The following PTPRT variants were observed in gnomAD, a reference collection of about 807,000 sequenced individuals.
The protein encoded by PTPRT is receptor-type tyrosine-protein phosphatase T.
Under a neutral mutation model 176.8 loss-of-function variants are expected in PTPRT, and 56 were observed. That is an observed-to-expected ratio of 0.32 (90% CI 0.26 to 0.40). The LOEUF (loss-of-function observed/expected upper bound fraction) is 0.40, where lower values mean the gene tolerates loss of function less well. Among genes scored for constraint, PTPRT ranks in the 10% least tolerant of loss-of-function variants. The probability of loss-of-function intolerance (pLI) is 1.00; values close to 1 mark genes in which losing one functional copy is unlikely to be tolerated. For synonymous variants in PTPRT, 783 were observed against 739.0 expected (o/e 1.06, Z -0.96); for missense variants, 1,540 against 1,908.2 (o/e 0.81, Z 3.60).
chr20:43,151,419 C>T (rs994383408), intron 1 of PTPRT, among the ~76,000 whole-genome samples: 2 of 151,792 alleles, frequency 1.3e-5, no homozygotes, highest in African/African-American at 4.8e-5. Context: ...TACCAACTTT[C>T]CTGGCAAGAA....
chr20:42,067,921 G>A (rs190961312), downstream of PTPRT, among the ~76,000 whole-genome samples: 3 of 152,144 alleles, frequency 2.0e-5, no homozygotes, highest in African/African-American at 7.2e-5. Context: ...ATTCCAGGAA[G>A]CAATGAGAAT....
chr20:42,084,228 A>T (rs1983644134), intron 29 of PTPRT, among the ~76,000 whole-genome samples: 1 of 152,236 alleles, frequency 6.6e-6, no homozygotes, highest in African/African-American at 2.4e-5. Flanking sequence ...GTCCATTCGA[A>T]GACAGGAGGT....
At chr20:42,282,911 G>A (rs1015049739) in intron 12 of PTPRT, among the ~76,000 whole-genome samples, 1 of 152,168 alleles carries the variant, frequency 6.6e-6, no homozygotes, top group Non-Finnish European at 1.5e-5. Flanking sequence ...TGGAAGGAGG[G>A]CATCCTTGGG....
At chr20:42,860,022 T>G (rs1240160312) in intron 2 of PTPRT, among the ~76,000 whole-genome samples, 2 of 152,212 alleles carry the variant, frequency 1.3e-5, no homozygotes, top group African/African-American at 4.8e-5. Context: ...ATTTATTTAT[T>G]CTTTAAATGT....
chr20:42,254,082 A>G (rs1007218156), intron 13 of PTPRT, among the ~76,000 whole-genome samples: 1 of 152,064 alleles, frequency 6.6e-6, no homozygotes, highest in African/African-American at 2.4e-5. Flanking sequence ...TCTAGTTGCC[A>G]TGTTTTCTCT....
At chr20:43,053,234 T>A (rs1987114060) in intron 1 of PTPRT, among the ~76,000 whole-genome samples, 1 of 152,138 alleles carries the variant, frequency 6.6e-6, no homozygotes. Flanking sequence ...CACTCACCCA[T>A]CCTCTGTGAT....
At chr20:42,312,445 T>C (rs1300800979) in intron 12 of PTPRT, among the ~76,000 whole-genome samples, 1 of 152,212 alleles carries the variant, frequency 6.6e-6, no homozygotes, top group Non-Finnish European at 1.5e-5. Flanking sequence ...AGAATGGCTG[T>C]TCTGCTTCAA....
intron 1 of PTPRT, among the ~76,000 whole-genome samples, chr20:42,942,588 T>A (rs1423163812): frequency 6.6e-6 from 1 of 152,226 alleles, no homozygotes; most frequent in Non-Finnish European, 1.5e-5. Flanking sequence ...TCTCGTTCTC[T>A]CTCGTATCTC....
chr20:42,590,540 T>A (rs1256108325), intron 7 of PTPRT, among the ~76,000 whole-genome samples: 2 of 152,006 alleles, frequency 1.3e-5, no homozygotes, highest in African/African-American at 4.8e-5. Flanking sequence ...ATCACAAGCC[T>A]GCACTGTATG....
intron 1 of PTPRT, among the ~76,000 whole-genome samples, chr20:42,907,474 T>A (rs1305606016): frequency 1.3e-5 from 2 of 152,190 alleles, no homozygotes; most frequent in Admixed American, 1.3e-4. Context: ...AGTTTTTTTT[T>A]AATGTTTTTC....
intron 12 of PTPRT, among the ~76,000 whole-genome samples, chr20:42,304,038 T>G (rs186658217): frequency 6.6e-6 from 1 of 152,202 alleles, no homozygotes; most frequent in Non-Finnish European, 1.5e-5. Context: ...AGGACCATGA[T>G]GTAAAAGATG....
At chr20:42,379,256 T>G (rs868316411) in intron 9 of PTPRT, among the ~76,000 whole-genome samples, 1 of 152,216 alleles carries the variant, frequency 6.6e-6, no homozygotes, top group Admixed American at 6.5e-5. Flanking sequence ...TGGTCATTAC[T>G]CAAGTCCCGG....
At position 42,258,598 on chromosome 20, in the gene PTPRT, G is replaced by A. The variant is rs191906232; in HGVS notation, c.2177-9776C>T. Among the ~76,000 whole-genome samples the A allele has an allele frequency of 1.8e-4, 27 of 152,204 alleles. No homozygotes were observed. In the East Asian group the frequency reaches 4.8e-3, roughly 27 times the overall value. On this transcript the variant is annotated intron_variant, in intron 13 of 30. Coordinates refer to ENST00000373187, the MANE Select transcript of PTPRT (RefSeq NM_007050.6). ...CCAATATTCTTTCTTTGATCTTGCT[G>A]TGACTAATTTTTTTAAATTGCTGAC...
chr20:42,708,178 A>G (rs1465429088), intron 6 of PTPRT, among the ~76,000 whole-genome samples: 1 of 152,226 alleles, frequency 6.6e-6, no homozygotes. Context: ...TATGTGGATA[A>G]AACAAAAAAT....
Position 42,897,630 on chromosome 20 carries a change from C to T in PTPRT, c.89-11698G>A, listed in dbSNP as rs149871895. ...GTTAAGCAGCCCCCAGAAATGCCCA[C>T]CTTGGGTGGTGGATGATGTTCTTTG... On this transcript the variant is annotated intron_variant, in intron 1 of 30. Coordinates refer to ENST00000373187, the MANE Select transcript of PTPRT (RefSeq NM_007050.6). 2.6e-3 allele frequency among the ~76,000 whole-genome samples: 398 copies of T among 152,268 alleles called. 1 individual carries two copies. Among genetic ancestry groups the T allele is most frequent in the African/African-American group, 9.1e-3 (380 of 41,544 alleles).
chr20:42,356,954 A>G (rs956965186), intron 9 of PTPRT, among the ~76,000 whole-genome samples: 1 of 151,992 alleles, frequency 6.6e-6, no homozygotes, highest in African/African-American at 2.4e-5. Context: ...TTGTTGCCTC[A>G]TTCATGACTC....
chr20:43,113,828 G>A (rs968884460), intron 1 of PTPRT, among the ~76,000 whole-genome samples: 1 of 152,142 alleles, frequency 6.6e-6, no homozygotes, highest in African/African-American at 2.4e-5. Context: ...GGGTATTCCC[G>A]AATCTCTTGT....
At chr20:42,144,670 T>G (rs749447972) in intron 17 of PTPRT, among the ~76,000 whole-genome samples, 27 of 152,176 alleles carry the variant, frequency 1.8e-4, no homozygotes, top group Non-Finnish European at 2.9e-4. Flanking sequence ...CAGACCATGT[T>G]TTGATTACTC....
intron 1 of PTPRT, among the ~76,000 whole-genome samples, chr20:43,095,703 CTCTG>C (rs148586719): frequency 0.03 from 4,503 of 148,370 alleles, 283 homozygotes; most frequent in African/African-American, 0.11. Flanking sequence ...TGCTTCCTCT[CTCTG>C]TCTCTGTTTC....
Sources: allele counts gnomAD v4.1 joint callset (sites outside exome capture counted in the v4.1 genomes callset), GRCh38; gene constraint gnomAD v4.1.1; transcripts MANE v1.5; gene names NCBI Gene and HGNC (gene_info 2026-07-23, HGNC 2026-07-21).